The following PHF11 variants were observed in gnomAD, a reference collection of about 807,000 sequenced individuals.
The protein encoded by PHF11 is BRCA1 C-terminus-associated protein.
Under a neutral mutation model 40.5 loss-of-function variants are expected in PHF11, and 38 were observed. The ratio of observed to expected loss-of-function variants is 0.94; its 90% CI spans 0.72 to 1.23. The LOEUF is 1.23. Among genes scored for constraint, PHF11 ranks in the 50% most tolerant of loss-of-function variants. The pLI is 0.00. For synonymous variants in PHF11, 127 were observed against 138.2 expected (o/e 0.92, Z 0.57); for missense variants, 369 against 392.4 (o/e 0.94, Z 0.50).
At chr13:49,500,104 T>TAAATA in intron 1 of PHF11, among the ~76,000 whole-genome samples, 1 of 152,336 alleles carries the variant, frequency 6.6e-6, no homozygotes, top group African/African-American at 2.4e-5. Context: ...GTTCTTATAT[T>TAAATA]CCAGGCTTGT....
intron 2 of PHF11, among the ~76,000 whole-genome samples, chr13:49,509,243 G>C (rs1253405275): frequency 6.9e-6 from 1 of 145,356 alleles, no homozygotes. Flanking sequence ...ACAGAGTCTT[G>C]CTCTGTCGCC....
At chr13:49,496,208 C>T (rs995920077) in intron 1 of PHF11, 113 bp downstream of exon 1, 3 of 692,528 alleles carry the variant, frequency 4.3e-6, no homozygotes, top group Admixed American at 4.5e-5. Context: ...GCCCCTACTC[C>T]GGGCCGGGGC....
chr13:49,524,318 ATAC>A, intron 8 of PHF11, 102 bp downstream of exon 8: 1 of 931,320 alleles, frequency 1.1e-6, no homozygotes, highest in East Asian at 2.6e-5. Context: ...TTTTCTTCCT[ATAC>A]TACTTTTTTC....
At chr13:49,510,983 G>T (rs973922894) in intron 2 of PHF11, among the ~76,000 whole-genome samples, 3 of 152,120 alleles carry the variant, frequency 2.0e-5, no homozygotes, top group Non-Finnish European at 4.4e-5. Flanking sequence ...AATGTTCTGT[G>T]CAATCAATTC....
At chr13:49,503,294 A>G (rs1417769591) in intron 1 of PHF11, among the ~76,000 whole-genome samples, 1 of 151,992 alleles carries the variant, frequency 6.6e-6, no homozygotes, top group African/African-American at 2.4e-5. Flanking sequence ...CCTGCCCTTG[A>G]CAATACTCCT....
Position 49,512,942 on chromosome 13 carries a change from T to A in PHF11, c.217-117T>A, listed in dbSNP as rs1959097861. The A allele has an allele frequency of 6.5e-6, 4 of 613,272 alleles. No individual in the cohort carries two copies. In the East Asian group the frequency reaches 1.2e-4, roughly 18 times the overall value. The allele number at this position is 613,272 out of a possible 1,614,324, so 38.0% of individuals were successfully genotyped here. A position where few individuals can be genotyped will look rare whatever the true frequency, so the allele number is the denominator to read the frequency against. On this transcript the variant is annotated intron_variant, in intron 2 of 9. Coordinates refer to ENST00000378319, the MANE Select transcript of PHF11 (RefSeq NM_001040443.3). ...ATCCACCCCCAAAGTTGCCACTGTT[T>A]TACCCCCAGTCCATTTCCCACTCCT...
At chr13:49,509,162 A>G (rs1211643316) in intron 2 of PHF11, among the ~76,000 whole-genome samples, 1 of 152,114 alleles carries the variant, frequency 6.6e-6, no homozygotes, top group African/African-American at 2.4e-5. Flanking sequence ...TTTTTTGGTC[A>G]GAACCATTTT....
rs530164972 is a variant in PHF11, at chr13:49,501,013, T to G, written c.94+4918T>G. On this transcript the variant is annotated intron_variant, in intron 1 of 9. Transcript: ENST00000378319. ...TCACCAACTTTTGTTTTTTTTTTTTTTTGGTTTTTTTTTTTCTGAAATGGA... is the reference window on the plus strand; with the variant it reads ...TCACCAACTTTTGTTTTTTTTTTTTGTTGGTTTTTTTTTTTCTGAAATGGA... 2.1e-3 allele frequency among the ~76,000 whole-genome samples: 221 copies of G among 106,816 alleles called. 13 individuals carry two copies. Among genetic ancestry groups the G allele is most frequent in the African/African-American group, 9.5e-3 (186 of 19,618 alleles). The allele number at this position is 106,816 out of a possible 152,430, so 70.1% of individuals were successfully genotyped here.
intron 2 of PHF11, 138 bp downstream of exon 2, chr13:49,506,894 A>C: frequency 4.5e-6 from 1 of 223,896 alleles, no homozygotes; most frequent in South Asian, 1.2e-4. Context: ...ATTGGGGAGC[A>C]TTTCTTTTTT....
chr13:49,523,312 A>ATTT, intron 7 of PHF11, 71 bp downstream of exon 7: 1 of 993,414 alleles, frequency 1.0e-6, no homozygotes, highest in Non-Finnish European at 1.6e-6. Context: ...CACCTGTTTC[A>ATTT]AACTTGGTAT....
chr13:49,526,427 G>T lies in PHF11; in HGVS notation c.810G>T (p.Leu270Phe). ...GGAGTGCACTTTTTGACTGTAGATT[G>T]TTCGAAGACACATTTGTAAATTTTC... is the stretch of plus-strand genomic sequence containing the variant. ...EIGSALFDCR[L>F]FEDTFVNFQA... The change falls in exon 9 of 10, where the codon TTG (leucine) becomes TTT (phenylalanine). Residue 270 changes from leucine (L) to phenylalanine (F), a missense_variant. Physicochemically the swap from Leu to Phe is conservative, Grantham distance 22. Transcript: ENST00000378319. The T allele has an allele frequency of 6.2e-7, 1 of 1,609,478 alleles. No homozygotes were observed. The highest frequency in any genetic ancestry group is 1.3e-5 in the African/African-American group (1 of 74,884).
At chr13:49,506,811 C>A in intron 2 of PHF11, 55 bp downstream of exon 2, 1 of 1,235,132 alleles carries the variant, frequency 8.1e-7, no homozygotes, top group Admixed American at 2.2e-5. Context: ...GTGTAGGACA[C>A]ATAAGAATAG....
In PHF11 at chr13:49,505,218, G is replaced by A. The variant is rs142081981; in HGVS notation, c.95-1417G>A. Reference sequence around the variant, plus strand: ...ATGAAAAAAACAGCTAGCTCATTCCGTCTGAGCAGTTTTCACTCTATCTTA... The same window carrying A: ...ATGAAAAAAACAGCTAGCTCATTCCATCTGAGCAGTTTTCACTCTATCTTA... On this transcript the variant is annotated intron_variant, in intron 1 of 9. Transcript: ENST00000378319. Among the ~76,000 whole-genome samples the A allele has an allele frequency of 5.0e-3, 752 of 150,506 alleles. 7 individuals are homozygous for A. The highest frequency in any genetic ancestry group is 0.017 in the African/African-American group (700 of 41,102).
At chr13:49,514,794 C>T (rs1039799787) in intron 3 of PHF11, among the ~76,000 whole-genome samples, 3 of 150,666 alleles carry the variant, frequency 2.0e-5, no homozygotes, top group African/African-American at 7.3e-5. Flanking sequence ...GTGGATCCTG[C>T]TCTCAATGTC....
chr13:49,524,289 A>AC, intron 8 of PHF11, 73 bp downstream of exon 8: 31 of 1,196,672 alleles, frequency 2.6e-5, no homozygotes, highest in Non-Finnish European at 2.8e-5. Flanking sequence ...AACAAACCCA[A>AC]GAAAAAAAAA....
intron 1 of PHF11, among the ~76,000 whole-genome samples, chr13:49,498,161 G>A (rs531182295): frequency 3.3e-5 from 5 of 152,224 alleles, no homozygotes; most frequent in African/African-American, 4.8e-5. Context: ...TGGCCTAGTA[G>A]TAGTAGTAGG....
chr13:49,501,017 G>GTTTTTTTTTTTT (rs1491587127), intron 1 of PHF11, among the ~76,000 whole-genome samples: 3 of 108,824 alleles, frequency 2.8e-5, no homozygotes, highest in African/African-American at 4.2e-5. Context: ...TTTTTTTTTG[G>GTTTTTTTTTTTT]TTTTTTTTTT....
intron 1 of PHF11, chr13:49,497,317 T>G: frequency 1.6e-6 from 1 of 636,386 alleles, no homozygotes; most frequent in Admixed American, 2.3e-5. Flanking sequence ...AAACTGAGTA[T>G]GTCCCAAAGA....
chr13:49,518,219 A>T (rs766486568), intron 4 of PHF11, 68 bp downstream of exon 4: 6 of 1,166,172 alleles, frequency 5.1e-6, no homozygotes, highest in Non-Finnish European at 7.3e-6. Context: ...GATTAAGACA[A>T]GGAGACTTTG....
Sources: gnomAD v4.1 joint callset for allele counts (sites outside exome capture counted in the v4.1 genomes callset) on GRCh38, gnomAD v4.1.1 for gene constraint, MANE v1.5 for transcripts, NCBI Gene and HGNC (gene_info 2026-07-23, HGNC 2026-07-21) for gene names.